DGKZ: variants seen among roughly 807,000 people sequenced by gnomAD.
The protein encoded by DGKZ is diacylglycerol kinase zeta.
In DGKZ, 45 loss-of-function variants were observed where a neutral mutation model predicts 142.5. The ratio of observed to expected loss-of-function variants is 0.32; its 90% CI spans 0.25 to 0.40. The LOEUF is 0.40. DGKZ is among the 10% of genes least tolerant of loss of function. The pLI, the probability that DGKZ is intolerant of heterozygous loss-of-function variation, is 1.00. For synonymous variants in DGKZ, 442 were observed against 527.0 expected (o/e 0.84, Z 2.21); for missense variants, 755 against 1,306.5 (o/e 0.58, Z 6.51).
intron 1 of DGKZ, among the ~76,000 whole-genome samples, chr11:46,359,210 A>G (rs530490188): frequency 6.6e-6 from 1 of 152,030 alleles, no homozygotes; most frequent in African/African-American, 2.4e-5. Context: ...TGGGAGGCCA[A>G]GGCGGGCGGA....
chr11:46,369,649 C>T (rs936893401), intron 5 of DGKZ, 99 bp downstream of exon 5: 1 of 1,457,296 alleles, frequency 6.9e-7, no homozygotes, highest in African/African-American at 1.4e-5. Context: ...TCGGCTCCCT[C>T]TAGGCTGCTG....
At chr11:46,370,366 G>T (rs1450216700) in intron 6 of DGKZ, among the ~76,000 whole-genome samples, 3 of 152,238 alleles carry the variant, frequency 2.0e-5, no homozygotes, top group African/African-American at 4.8e-5. Flanking sequence ...AGGACAGTGT[G>T]GCTTGAAGCC....
chr11:46,346,229 G>C (rs376122587), upstream of DGKZ, among the ~76,000 whole-genome samples: 2 of 152,226 alleles, frequency 1.3e-5, no homozygotes, highest in South Asian at 2.1e-4. Context: ...GCTGGAAAAC[G>C]GGCTGCCAGA....
exon 20 of DGKZ, chr11:46,375,494 C>G (rs756333860): frequency 6.3e-7 from 1 of 1,590,148 alleles, no homozygotes. Flanking sequence ...TGGTGCTCAC[C>G]ACATCCAAGG....
intron 9 of DGKZ, 68 bp downstream of exon 9, chr11:46,371,843 A>ACTTC: frequency 6.5e-7 from 1 of 1,539,034 alleles, no homozygotes; most frequent in Non-Finnish European, 8.9e-7. Flanking sequence ...AGGGTACAGA[A>ACTTC]CTTCCACCCC....
chr11:46,375,851 C>A, exon 21 of DGKZ: 2 of 1,558,064 alleles, frequency 1.3e-6, no homozygotes, highest in Non-Finnish European at 1.7e-6. Context: ...TGCCCGACAG[C>A]CAGCAGCCGG....
intron 24 of DGKZ, 101 bp downstream of exon 24, chr11:46,376,665 C>A: frequency 6.8e-7 from 1 of 1,465,424 alleles, no homozygotes; most frequent in Non-Finnish European, 9.5e-7. Context: ...GGGCTCACCT[C>A]TGTCCTCATG....
At chr11:46,363,658 G>T (rs1179844307) in intron 1 of DGKZ, among the ~76,000 whole-genome samples, 1 of 152,226 alleles carries the variant, frequency 6.6e-6, no homozygotes, top group Non-Finnish European at 1.5e-5. Context: ...GGGTGCAGCG[G>T]CACCTCCCCC....
intron 1 of DGKZ, among the ~76,000 whole-genome samples, chr11:46,356,608 C>G (rs998625201): frequency 1.3e-5 from 2 of 152,072 alleles, no homozygotes; most frequent in Non-Finnish European, 2.9e-5. Context: ...AGGGAGACCA[C>G]CGGATGCCAC....
At chr11:46,348,045 G>A (rs1415599778) in intron 1 of DGKZ, among the ~76,000 whole-genome samples, 1 of 152,104 alleles carries the variant, frequency 6.6e-6, no homozygotes, top group East Asian at 1.9e-4. Flanking sequence ...CACTGTCACC[G>A]GGTGGGGGTC....
chr11:46,355,729 G>C (rs1036791466), intron 1 of DGKZ, among the ~76,000 whole-genome samples: 1 of 150,216 alleles, frequency 6.7e-6, no homozygotes, highest in African/African-American at 2.5e-5. Flanking sequence ...GAAAGTTGAG[G>C]GGGGAGGTGT....
chr11:46,336,186 A>G (rs1940006313), intron 1 of DGKZ, among the ~76,000 whole-genome samples: 1 of 152,080 alleles, frequency 6.6e-6, no homozygotes, highest in Non-Finnish European at 1.5e-5. Context: ...AGAAGCTTAG[A>G]GGGGTGTGGG....
intron 1 of DGKZ, among the ~76,000 whole-genome samples, chr11:46,353,781 C>T (rs546473609): frequency 6.6e-6 from 1 of 152,320 alleles, no homozygotes; most frequent in East Asian, 1.9e-4. Context: ...CCTCCCCTTG[C>T]TCCTGGCAGA....
chr11:46,367,635 G>T lies in DGKZ; in HGVS notation c.271-17G>T, dbSNP rs373403456. ...TGGGCGGCCAGCGTGTGCTGAGCAA[G>T]CCCATCCCGTGGCTAGGAGTCAGCG... On this transcript the variant is annotated splice_polypyrimidine_tract_variant and intron_variant, in intron 2 of 30. Transcript: ENST00000527911. The surrounding 1 kb of genome is among the most constrained non-coding windows in gnomAD (Gnocchi z 4.1). The T allele has an allele frequency of 6.3e-7, 1 of 1,587,728 alleles. No homozygotes were observed. Among genetic ancestry groups the T allele is most frequent in the South Asian group, 1.1e-5 (1 of 87,834 alleles).
In DGKZ at chr11:46,367,983, C is replaced by T. The variant is rs1168141023; in HGVS notation, c.367-19C>T. ...AGACTTACCTGGTGCCTCAGGGGCC[C>T]TCTCTTCCTGTCCTGCAGCAGAAGT... On this transcript the variant is annotated intron_variant, in intron 3 of 30. Transcript: ENST00000527911. This position sits in a 1 kb window ranked among gnomAD's most constrained non-coding sequence, Gnocchi z 4.1. 1 of 1,613,698 alleles carries T rather than the reference C, an allele frequency of 6.2e-7. No homozygotes were observed. The highest frequency in any genetic ancestry group is 1.3e-5 in the African/African-American group (1 of 74,896).
At chr11:46,378,082 T>C in intron 25 of DGKZ, 116 bp from the exon 26 acceptor site, 1 of 1,305,430 alleles carries the variant, frequency 7.7e-7, no homozygotes, top group East Asian at 2.5e-5. Context: ...GTGCTTGGTG[T>C]GTAGCAGGCA....
chr11:46,373,467 G>C (rs1369398470), intron 14 of DGKZ, among the ~76,000 whole-genome samples: 1 of 134,726 alleles, frequency 7.4e-6, no homozygotes, highest in African/African-American at 2.7e-5. Context: ...TTGTTTTTCT[G>C]TTTTCTTTTT....
chr11:46,355,992 C>T (rs1156858052), intron 1 of DGKZ, among the ~76,000 whole-genome samples: 9 of 151,980 alleles, frequency 5.9e-5, no homozygotes, highest in East Asian at 1.9e-4. Flanking sequence ...GTGATCTGCC[C>T]GCCTCAGCCT....
intron 1 of DGKZ, among the ~76,000 whole-genome samples, chr11:46,359,770 ATTTT>A (rs779825781): frequency 7.8e-6 from 1 of 129,016 alleles, no homozygotes; most frequent in Non-Finnish European, 1.6e-5. Flanking sequence ...TGCCCGGCTA[ATTTT>A]TTTTTTTTTT....
Sources: gnomAD v4.1 joint callset for allele counts (sites outside exome capture counted in the v4.1 genomes callset) on GRCh38, gnomAD v4.1.1 for gene constraint, Gnocchi (gnomAD v3.1) non-coding constraint, MANE v1.5 for transcripts, NCBI Gene and HGNC (gene_info 2026-07-23, HGNC 2026-07-21) for gene names.